The following FARS2 variants were observed in gnomAD, a reference collection of about 807,000 sequenced individuals.
The protein encoded by FARS2 is phenylalanine--tRNA ligase, mitochondrial.
A neutral mutation model predicts 46.4 loss-of-function variants in FARS2; 40 were observed. The ratio of observed to expected loss-of-function variants is 0.86; its 90% CI spans 0.67 to 1.12. FARS2 has a LOEUF of 1.12. Among genes scored for constraint, FARS2 ranks in the 50% most tolerant of loss-of-function variants. The pLI is 0.00. For missense variants in FARS2, 513 were observed against 567.9 expected (o/e 0.90, Z 0.98); for synonymous variants, 234 against 214.9 (o/e 1.09, Z -0.78).
intron 6 of FARS2, among the ~76,000 whole-genome samples, chr6:5,620,334 AT>A (rs1216899587): frequency 6.6e-6 from 1 of 152,172 alleles, no homozygotes; most frequent in African/African-American, 2.4e-5. Flanking sequence ...TATGCTTCTT[AT>A]AAAAAAAGTT....
intron 6 of FARS2, among the ~76,000 whole-genome samples, chr6:5,696,582 A>G (rs1455762780): frequency 6.6e-6 from 1 of 152,230 alleles, no homozygotes; most frequent in African/African-American, 2.4e-5. Flanking sequence ...TGAAAGAACT[A>G]AGGTATAAAA....
chr6:5,521,225 T>C (rs1221950820), intron 4 of FARS2, among the ~76,000 whole-genome samples: 1 of 152,200 alleles, frequency 6.6e-6, no homozygotes, highest in African/African-American at 2.4e-5. Context: ...TGAGGTTTTA[T>C]GTAAGATTTA....
At chr6:5,380,970 A>ATTT (rs1446548895) in intron 2 of FARS2, among the ~76,000 whole-genome samples, 1 of 143,816 alleles carries the variant, frequency 7.0e-6, no homozygotes, top group African/African-American at 2.7e-5. Context: ...TCATTATAGC[A>ATTT]ATTATTTATT....
intron 1 of FARS2, among the ~76,000 whole-genome samples, chr6:5,314,175 A>G (rs143509077): frequency 1.3e-5 from 2 of 152,322 alleles, no homozygotes; most frequent in East Asian, 3.9e-4. Flanking sequence ...CGAGGAGTCT[A>G]AGACTGGAGG....
intron 6 of FARS2, among the ~76,000 whole-genome samples, chr6:5,642,466 T>C (rs1342659112): frequency 1.3e-5 from 2 of 152,102 alleles, no homozygotes; most frequent in African/African-American, 4.8e-5. Flanking sequence ...TAAAAAAAAA[T>C]TGTAATTTTA....
At chr6:5,474,661 C>CTATTTTTTTT (rs34998565) in intron 4 of FARS2, among the ~76,000 whole-genome samples, 1 of 71,320 alleles carries the variant, frequency 1.4e-5, no homozygotes. Context: ...AAATACAGTA[C>CTATTTTTTTT]TGTTTTTTTT....
intron 4 of FARS2, among the ~76,000 whole-genome samples, chr6:5,446,394 A>C (rs920314158): frequency 6.6e-6 from 1 of 152,094 alleles, no homozygotes; most frequent in South Asian, 2.1e-4. Context: ...AAAATCCATT[A>C]TATGTATTTG....
chr6:5,653,453 G>A (rs975425013), intron 6 of FARS2, among the ~76,000 whole-genome samples: 3 of 152,326 alleles, frequency 2.0e-5, no homozygotes, highest in Middle Eastern at 3.4e-3. Flanking sequence ...GGAAGGCGTT[G>A]GACCAGCTGC....
intron 6 of FARS2, among the ~76,000 whole-genome samples, chr6:5,649,817 C>T (rs1777256649): frequency 6.6e-6 from 1 of 152,142 alleles, no homozygotes; most frequent in South Asian, 2.1e-4. Flanking sequence ...GATGGGGACC[C>T]ACAGGCCAAG....
At chr6:5,418,594 A>G (rs1033599968) in intron 3 of FARS2, among the ~76,000 whole-genome samples, 4 of 152,200 alleles carry the variant, frequency 2.6e-5, no homozygotes, top group Non-Finnish European at 5.9e-5. Flanking sequence ...CCCTGACCTC[A>G]GGTAGATTTT....
intron 6 of FARS2, among the ~76,000 whole-genome samples, chr6:5,724,687 G>A (rs1411859255): frequency 1.3e-5 from 2 of 152,174 alleles, no homozygotes; most frequent in Non-Finnish European, 2.9e-5. Flanking sequence ...TGTCCTCCCC[G>A]ACACTGGCTG....
intron 4 of FARS2, among the ~76,000 whole-genome samples, chr6:5,496,909 C>T (rs1767503995): frequency 6.6e-6 from 1 of 152,032 alleles, no homozygotes. Flanking sequence ...GATTCAAACT[C>T]CTGACCTCAA....
At chr6:5,768,286 A>T (rs569303912) in intron 6 of FARS2, among the ~76,000 whole-genome samples, 61 of 152,348 alleles carry the variant, frequency 4.0e-4, no homozygotes, top group African/African-American at 1.4e-3. Flanking sequence ...TCTATATATT[A>T]TGAGTATTTA....
In FARS2 at chr6:5,365,317, C is replaced by CTTTTTTTTTTTTTTTTTTTTTT. The variant is rs61097603; in HGVS notation, c.-21-3225_-21-3204dup. On this transcript the variant is annotated intron_variant, in intron 1 of 6. Transcript: ENST00000274680. ...GACCTTTGATTGAGAAGTATACTTT[C>CTTTTTTTTTTTTTTTTTTTTTT]TTTTTTTTTTTTTTTTTTTTTTTTT... Among the ~76,000 whole-genome samples, 11 of 42,492 alleles carry CTTTTTTTTTTTTTTTTTTTTTT rather than the reference C, an allele frequency of 2.6e-4. 4 individuals are homozygous for CTTTTTTTTTTTTTTTTTTTTTT. The highest frequency in any genetic ancestry group is 4.2e-4 in the Non-Finnish European group (10 of 23,932). The allele number at this position is 42,492 out of a possible 152,430, so 27.9% of individuals were successfully genotyped here.
chr6:5,288,444 G>A (rs1314669716), intron 1 of FARS2, among the ~76,000 whole-genome samples: 1 of 152,130 alleles, frequency 6.6e-6, no homozygotes, highest in South Asian at 2.1e-4. Flanking sequence ...ACTTCTTTCT[G>A]GAGCACCTCG....
chr6:5,685,759 G>C (rs1389278626), intron 6 of FARS2, among the ~76,000 whole-genome samples: 1 of 152,182 alleles, frequency 6.6e-6, no homozygotes, highest in South Asian at 2.1e-4. Context: ...CCCAGGACCA[G>C]AGCTGAGGCC....
At chr6:5,410,789 ATAAT>A (rs1761902225) in intron 3 of FARS2, among the ~76,000 whole-genome samples, 1 of 152,180 alleles carries the variant, frequency 6.6e-6, no homozygotes, top group African/African-American at 2.4e-5. Flanking sequence ...AATTAGGTTT[ATAAT>A]TAATTGTTAG....
At chr6:5,603,708 T>G (rs896236607) in intron 5 of FARS2, among the ~76,000 whole-genome samples, 1 of 152,180 alleles carries the variant, frequency 6.6e-6, no homozygotes, top group African/African-American at 2.4e-5. Flanking sequence ...CCCAGTTTGA[T>G]TAGGATACCA....
intron 6 of FARS2, among the ~76,000 whole-genome samples, chr6:5,756,738 CTTTAG>C (rs1762227225): frequency 6.6e-6 from 1 of 152,184 alleles, no homozygotes; most frequent in South Asian, 2.1e-4. Flanking sequence ...GCAGTAGAAT[CTTTAG>C]TTTATCTTAT....
Sources: allele counts gnomAD v4.1 joint callset (sites outside exome capture counted in the v4.1 genomes callset), GRCh38; gene constraint gnomAD v4.1.1; transcripts MANE v1.5; gene names NCBI Gene and HGNC (gene_info 2026-07-23, HGNC 2026-07-21).